DSE: variants seen among roughly 807,000 people sequenced by gnomAD.
The protein encoded by DSE is dermatan-sulfate epimerase.
A neutral mutation model predicts 84.4 loss-of-function variants in DSE; 36 were observed. That is an observed-to-expected ratio of 0.43 (90% CI 0.33 to 0.56). DSE has a LOEUF of 0.56. Among genes scored for constraint, DSE ranks in the 20% least tolerant of loss-of-function variants. The pLI is 0.06. For synonymous variants in DSE, 410 were observed against 430.1 expected (o/e 0.95, Z 0.58); for missense variants, 862 against 1,169.6 (o/e 0.74, Z 3.84).
At chr6:116,406,807 C>G (rs991460602) in intron 2 of DSE, among the ~76,000 whole-genome samples, 5 of 152,150 alleles carry the variant, frequency 3.3e-5, no homozygotes, top group African/African-American at 1.2e-4. Context: ...TGTCAACATG[C>G]GAGTTCTGGA....
At chr6:116,416,443 TC>T in intron 2 of DSE, among the ~76,000 whole-genome samples, 1 of 152,070 alleles carries the variant, frequency 6.6e-6, no homozygotes, top group South Asian at 2.1e-4. Flanking sequence ...TAAATCTTTT[TC>T]ATTGGGAAAT....
chr6:116,359,169 C>T (rs1470827218), intron 2 of DSE, among the ~76,000 whole-genome samples: 1 of 151,962 alleles, frequency 6.6e-6, no homozygotes, highest in East Asian at 1.9e-4. Flanking sequence ...TATTTATCAT[C>T]TGCCTATCCA....
In DSE at chr6:116,440,851, C is replaced by T. The variant is rs1048525368; in HGVS notation, c.*3506C>T. 6 of 152,270 alleles carry T rather than the reference C, an allele frequency of 3.9e-5. No homozygotes were observed. In the East Asian group the frequency reaches 9.7e-4, roughly 25 times the overall value. The allele number at this position is 152,270 out of a possible 1,614,324, so 9.4% of individuals were successfully genotyped here. On this transcript the variant is annotated 3_prime_UTR_variant, in exon 6 of 6. Coordinates refer to ENST00000644252, the MANE Select transcript of DSE (RefSeq NM_013352.4). ...ATGCTTTTTAAGCAAGTTTAGGGAA[C>T]TTGAGATGACCTGATTGAGACCCCT...
intron 1 of DSE, among the ~76,000 whole-genome samples, chr6:116,373,673 G>A (rs1779751232): frequency 6.6e-6 from 1 of 152,190 alleles, no homozygotes; most frequent in Non-Finnish European, 1.5e-5. Context: ...GCCCTGAGAG[G>A]ACCTGGTGGT....
chr6:116,308,668 C>T (rs527898980), intron 2 of DSE, among the ~76,000 whole-genome samples: 32 of 152,080 alleles, frequency 2.1e-4, no homozygotes, highest in Non-Finnish European at 4.0e-4. Context: ...TCTTTTGTTG[C>T]ATTTTTTTGT....
At chr6:116,380,833 T>G (rs1780177155) in intron 1 of DSE, among the ~76,000 whole-genome samples, 1 of 152,180 alleles carries the variant, frequency 6.6e-6, no homozygotes, top group Non-Finnish European at 1.5e-5. Context: ...TAACTCAGTA[T>G]GCACATAGTT....
At position 116,431,026 on chromosome 6, in the gene DSE, G is replaced by A. The variant is rs775765333; in HGVS notation, c.743G>A (p.Arg248Lys). The change falls in exon 4 of 6, where the codon AGG becomes AAG. Residue 248 changes from arginine (R) to lysine (K), a missense_variant. This residue lies in a region of DSE where 309 missense variants were observed against 516.9 expected (regional missense o/e 0.60). Coordinates refer to ENST00000644252, the MANE Select transcript of DSE (RefSeq NM_013352.4). The stretch of plus-strand genomic sequence containing the variant: ...ATGGAGAAATCTCTGGTCTTGCTCA[G>A]GGAGGTGACGGATGGCTCCCTCTAT... ...TIMEKSLVLL[R>K]EVTDGSLYEG... 6.8e-6 allele frequency: 11 copies of A among 1,614,052 alleles called. No homozygotes were observed. Among genetic ancestry groups the A allele is most frequent in the Non-Finnish European group, 9.3e-6 (11 of 1,180,044 alleles).
At chr6:116,380,772 A>G (rs2114944629) in intron 1 of DSE, among the ~76,000 whole-genome samples, 1 of 152,334 alleles carries the variant, frequency 6.6e-6, no homozygotes, top group East Asian at 1.9e-4. Flanking sequence ...TTGGATACAG[A>G]GAGGACTGAA....
chr6:116,283,119 C>G (rs886505496), intron 2 of DSE, among the ~76,000 whole-genome samples: 13 of 152,306 alleles, frequency 8.5e-5, no homozygotes, highest in East Asian at 3.9e-4. Flanking sequence ...TACACATTCT[C>G]TAAGACTTAC....
intron 2 of DSE, among the ~76,000 whole-genome samples, chr6:116,329,636 A>G (rs1208097285): frequency 6.6e-6 from 1 of 152,226 alleles, no homozygotes; most frequent in Admixed American, 6.5e-5. Context: ...TTGAAATTAA[A>G]ATAAAAAATG....
intron 2 of DSE, among the ~76,000 whole-genome samples, chr6:116,274,518 T>G (rs963666085): frequency 1.3e-5 from 2 of 151,084 alleles, no homozygotes; most frequent in African/African-American, 4.9e-5. Context: ...AGCGGAAGCT[T>G]GCCATGAGCC....
chr6:116,281,129 G>A (rs1384192650), intron 2 of DSE, among the ~76,000 whole-genome samples: 1 of 152,120 alleles, frequency 6.6e-6, no homozygotes, highest in African/African-American at 2.4e-5. Flanking sequence ...AAGATAAGAG[G>A]ACGAAAGCAC....
intron 2 of DSE, among the ~76,000 whole-genome samples, chr6:116,307,677 A>T (rs1775433643): frequency 6.6e-6 from 1 of 152,152 alleles, no homozygotes; most frequent in East Asian, 1.9e-4. Context: ...ATTACAAATA[A>T]TTTTTTTATA....
intron 1 of DSE, among the ~76,000 whole-genome samples, chr6:116,394,421 A>G (rs1308758321): frequency 6.6e-6 from 1 of 151,226 alleles, no homozygotes; most frequent in Non-Finnish European, 1.5e-5. Context: ...TATCTGAATT[A>G]TAGCAGTAAC....
upstream of DSE, chr6:116,370,142 T>C: frequency 2.9e-6 from 1 of 348,040 alleles, no homozygotes; most frequent in South Asian, 2.4e-5. Context: ...AGGCTGTGAC[T>C]ACCAAGGTTG....
intron 1 of DSE, 91 bp downstream of exon 1, chr6:116,371,212 G>A (rs1377311094): frequency 1.0e-6 from 1 of 984,488 alleles, no homozygotes; most frequent in African/African-American, 1.7e-5. Flanking sequence ...GGCTGTCCCG[G>A]CGCGGGCGGG....
In DSE at chr6:116,436,838, T is replaced by C. The variant is rs145906435; in HGVS notation, c.2370T>C (p.Ile790=). 2.5e-6 allele frequency: 4 copies of C among 1,613,994 alleles called. No homozygotes were observed. In the African/African-American group the frequency reaches 5.3e-5, roughly 22 times the overall value. ...ATAAGAGACAGACTGAGGAGGCCATTGACAGGATTTTTGCCATATCACAGC... is the reference window on the plus strand; with the variant it reads ...ATAAGAGACAGACTGAGGAGGCCATCGACAGGATTTTTGCCATATCACAGC... ...FSDKRQTEEA[I]DRIFAISQQQ... Residue 790 remains isoleucine, a synonymous_variant, in exon 6 of 6, where the codon ATT becomes ATC. Transcript: ENST00000644252.
intron 4 of DSE, 59 bp from the exon 5 acceptor site, chr6:116,433,284 C>CCT: frequency 5.4e-6 from 8 of 1,482,392 alleles, no homozygotes; most frequent in Non-Finnish European, 7.3e-6. Context: ...ATTGTTTAGA[C>CCT]CTATATAGGA....
intron 2 of DSE, among the ~76,000 whole-genome samples, chr6:116,328,320 A>G (rs10782184): frequency 0.11 from 16,111 of 152,258 alleles, 1,120 homozygotes; most frequent in East Asian, 0.26. Context: ...ATTTAAAACT[A>G]ATTAACATTT....
Sources: allele counts gnomAD v4.1 joint callset (sites outside exome capture counted in the v4.1 genomes callset), GRCh38; gene constraint gnomAD v4.1.1; regional missense constraint gnomAD v4.1.1; transcripts MANE v1.5; gene names NCBI Gene and HGNC (gene_info 2026-07-23, HGNC 2026-07-21).